The following CYP7A1 variants were observed in gnomAD, a reference collection of about 807,000 sequenced individuals.
CYP7A1 encodes cytochrome P450 family 7 subfamily A member 1.
In CYP7A1, 28 loss-of-function variants were observed where a neutral mutation model predicts 43.8. The ratio of observed to expected loss-of-function variants is 0.64; its 90% confidence interval spans 0.47 to 0.88. The LOEUF (loss-of-function observed/expected upper bound fraction) is 0.88, where lower values mean the gene tolerates loss of function less well. Ranked by LOEUF, CYP7A1 falls within the 40% of genes least tolerant of loss-of-function variation. The pLI is 0.00. For missense variants in CYP7A1, 637 were observed against 611.9 expected (o/e 1.04, Z -0.43); for synonymous variants, 227 against 222.5 (o/e 1.02, Z -0.18).
rs8192878 is a variant in CYP7A1, at chr8:58,491,787, T to C, written c.1216-13A>G. 30,817 of 1,609,300 alleles carry C rather than the reference T, an allele frequency of 0.019. 639 individuals carry two copies. The highest frequency in any genetic ancestry group is 0.088 in the East Asian group (3,930 of 44,854). On this transcript the variant is annotated splice_polypyrimidine_tract_variant and intron_variant, in intron 5 of 5. Coordinates refer to ENST00000301645, the MANE Select transcript of CYP7A1 (RefSeq NM_000780.4). ...CATATTTAAAAGTCTGCAATAAAAA[T>C]ACAAAGAAAACCGCCTTTAAGCTAG...
chr8:58,496,262 A>T (rs112597553), intron 3 of CYP7A1, among the ~76,000 whole-genome samples: 17 of 152,232 alleles, frequency 1.1e-4, no homozygotes, highest in African/African-American at 4.1e-4. Context: ...TATGGAGTGG[A>T]GTTGGCGTCG....
At position 58,497,937 on chromosome 8, in the gene CYP7A1, T is replaced by A. The variant is rs540483252; in HGVS notation, c.321+292A>T. Among the ~76,000 whole-genome samples, 8 of 152,354 alleles carry A rather than the reference T, an allele frequency of 5.3e-5. No homozygotes were observed. In the East Asian group the frequency reaches 1.5e-3, roughly 29 times the overall value. ...GCATAGACATTGCTGATGTGATGAA[T>A]TTTTATCTATCTTATTCGTACAGTG... is the stretch of plus-strand genomic sequence containing the variant. On this transcript the variant is annotated intron_variant, in intron 2 of 5. Coordinates refer to ENST00000301645, the MANE Select transcript of CYP7A1 (RefSeq NM_000780.4).
chr8:58,491,845 A>G, intron 5 of CYP7A1, 71 bp from the exon 6 acceptor site: 1 of 1,291,442 alleles, frequency 7.7e-7, no homozygotes, highest in Non-Finnish European at 1.1e-6. Context: ...CTAAACCTGG[A>G]AGCTCCAAAG....
Position 58,491,689 on chromosome 8 carries a change from T to A in CYP7A1, c.1301A>T (p.Tyr434Phe), listed in dbSNP as rs777464708. 8 of 1,613,702 alleles carry A rather than the reference T, an allele frequency of 5.0e-6. No individual in the cohort carries two copies. The highest frequency in any genetic ancestry group is 6.8e-6 in the Non-Finnish European group (8 of 1,179,656). The change falls in exon 6 of 6, where the codon TAC becomes TTC. Residue 434 changes from tyrosine to phenylalanine, a missense_variant. By Grantham distance (22) the Tyr-to-Phe change is conservative (BLOSUM62 3). Transcript: ENST00000301645. ...YCNGLKLKYY[Y>F]MPFGSGATIC... ...TGTAGCTCCCGATCCAAAGGGCATG[T>A]AGTAATACTTTAACTTGAGTCCATT...
rs112725882 is a variant in CYP7A1, at chr8:58,494,675, T to C, written c.909-39A>G. The stretch of plus-strand genomic sequence containing the variant: ...AGAGAAAACATGTATGTACAGAAAA[T>C]AAACTTTTTCCATACTTTGAGATCT... On this transcript the variant is annotated intron_variant, in intron 3 of 5. Transcript: ENST00000301645. The C allele has an allele frequency of 1.6e-5, 26 of 1,607,082 alleles. 1 individual carries two copies. Among genetic ancestry groups the C allele is most frequent in the African/African-American group, 1.5e-4 (11 of 74,872 alleles).
rs1325806464 is a variant in CYP7A1, at chr8:58,496,927, C to T, written c.585G>A (p.Arg195=). The change falls in exon 3 of 6, where the codon CGG becomes CGA. Residue 195 remains arginine, a synonymous_variant. Transcript: ENST00000301645. ...TTAGAATATGTGCTTTCTGTGTGTC[C>T]CGCCTTGTAAGATCTCTGCCAAAGA... ...LTIFGRDLTR[R]DTQKAHILNN... is the part of the protein sequence containing the mutation. 4 of 1,614,044 alleles carry T rather than the reference C, an allele frequency of 2.5e-6. No individual in the cohort carries two copies. The highest frequency in any genetic ancestry group is 1.7e-5 in the Admixed American group (1 of 59,996).
chr8:58,496,726 A>G lies in CYP7A1; in HGVS notation c.786T>C (p.Phe262=). The change falls in exon 3 of 6, where the codon TTT becomes TTC. Residue 262 remains phenylalanine (F), a synonymous_variant. Transcript: ENST00000301645. The part of the protein sequence containing the change: ...SISELISLRM[F]LNDTLSTFDD... Reference sequence around the variant, plus strand: ...CAAAGGTGGACAAAGTGTCATTGAGAAACATGCGCAGGCTGATCAGTTCTG... The same window carrying G: ...CAAAGGTGGACAAAGTGTCATTGAGGAACATGCGCAGGCTGATCAGTTCTG... 6.2e-7 allele frequency: 1 copy of G among 1,614,200 alleles called. No individual in the cohort carries two copies. Among genetic ancestry groups the G allele is most frequent in the Non-Finnish European group, 8.5e-7 (1 of 1,180,030 alleles).
intron 3 of CYP7A1, among the ~76,000 whole-genome samples, chr8:58,496,167 ATAAG>A (rs1809439370): frequency 6.6e-6 from 1 of 152,392 alleles, no homozygotes; most frequent in Non-Finnish European, 1.5e-5. Flanking sequence ...GAATGAACAA[ATAAG>A]TAAGGCATAG....
intron 2 of CYP7A1, among the ~76,000 whole-genome samples, 165 bp from the exon 3 acceptor site, chr8:58,497,355 T>C (rs1307142631): frequency 6.6e-6 from 1 of 152,230 alleles, no homozygotes; most frequent in Admixed American, 6.5e-5. Context: ...ATGACCAAAC[T>C]GTACCTTTCC....
rs1809444569 is a variant in CYP7A1 at position 58,496,560 on chromosome 8, T to C, written c.908+44A>G. On this transcript the variant is annotated intron_variant, in intron 3 of 5. Coordinates refer to ENST00000301645, the MANE Select transcript of CYP7A1 (RefSeq NM_000780.4). ...AAAGTTAAAGTGGTTTAATTTCTAC[T>C]TTCTACTAAAATAAAAAAAAGAAAT... The C allele has an allele frequency of 2.0e-6, 3 of 1,512,094 alleles. No homozygotes were observed. The Admixed American group carries it at 5.1e-5, about 26-fold the overall frequency. The allele number at this position is 1,512,094 out of a possible 1,614,324, so 93.7% of individuals were successfully genotyped here. A position where few individuals can be genotyped will look rare whatever the true frequency, so the allele number is the denominator to read the frequency against.
chr8:58,491,411 G>A lies in CYP7A1; in HGVS notation c.*64C>T. Reference sequence around the variant, plus strand: ...CTAAATGCATTTGTCCAAAGGGACTGTGTGGTGAGGGTGTTCTGCAGTCCT... The same window carrying A: ...CTAAATGCATTTGTCCAAAGGGACTATGTGGTGAGGGTGTTCTGCAGTCCT... On this transcript the variant is annotated 3_prime_UTR_variant, in exon 6 of 6. Transcript: ENST00000301645. 2 of 1,427,702 alleles carry A rather than the reference G, an allele frequency of 1.4e-6. No individual in the cohort carries two copies. Among genetic ancestry groups the A allele is most frequent in the Middle Eastern group, 3.8e-4 (2 of 5,214 alleles). 88.4% of individuals were successfully genotyped at this position (1,427,702 alleles called of 1,614,324 possible).
chr8:58,492,907 G>A (rs1809374846), intron 4 of CYP7A1, among the ~76,000 whole-genome samples: 1 of 152,080 alleles, frequency 6.6e-6, no homozygotes, highest in Non-Finnish European at 1.5e-5. Flanking sequence ...TGCGACTATA[G>A]GCATGTGCCA....
chr8:58,495,109 T>C (rs1050249732), intron 3 of CYP7A1, among the ~76,000 whole-genome samples: 1 of 150,966 alleles, frequency 6.6e-6, no homozygotes, highest in African/African-American at 2.4e-5. Context: ...ATTCCAGCCT[T>C]GGTGACAGAG....
rs1809346687 is a variant in CYP7A1, at chr8:58,491,274, C to A, written c.*201G>T. On this transcript the variant is annotated 3_prime_UTR_variant, in exon 6 of 6. Transcript: ENST00000301645. ...ATTATTGTGCTCCTAGAAACTAGTT[C>A]TTTTCACTAGCAGAGTCTGTGATAG... 10 of 589,672 alleles carry A rather than the reference C, an allele frequency of 1.7e-5. No homozygotes were observed. The highest frequency in any genetic ancestry group is 4.4e-4 in the Middle Eastern group (1 of 2,266). 36.5% of individuals were successfully genotyped at this position (589,672 alleles called of 1,614,324 possible).
chr8:58,494,639 A>G lies in CYP7A1; in HGVS notation c.909-3T>C. 1.2e-6 allele frequency: 2 copies of G among 1,613,686 alleles called. No individual in the cohort carries two copies. Among genetic ancestry groups the G allele is most frequent in the Non-Finnish European group, 1.7e-6 (2 of 1,179,862 alleles). On this transcript the variant is annotated splice_polypyrimidine_tract_variant and splice_region_variant and intron_variant, in intron 3 of 5. Transcript: ENST00000301645. ...CTGCTTTCATTGCTTCTGGGTTCCT[A>G]TTAAAAGGTAAGAGAAAACATGTAT... is the stretch of plus-strand genomic sequence containing the variant.
intron 3 of CYP7A1, among the ~76,000 whole-genome samples, chr8:58,496,262 A>G (rs112597553): frequency 6.5e-4 from 99 of 152,350 alleles, no homozygotes; most frequent in African/African-American, 2.3e-3. Context: ...TATGGAGTGG[A>G]GTTGGCGTCG....
chr8:58,497,087 G>C lies in CYP7A1; in HGVS notation c.425C>G (p.Thr142Arg). Residue 142 changes from threonine (T) to arginine (R), a missense_variant, in exon 3 of 6, where the codon ACG becomes AGG. Coordinates refer to ENST00000301645, the MANE Select transcript of CYP7A1 (RefSeq NM_000780.4). The stretch of plus-strand genomic sequence containing the variant: ...TTGGAGGTTTTCCATCATGCTTTCC[G>C]TGAGGGAATTCAAGGCATGGCCCTG... ...TLQGHALNSL[T>R]ESMMENLQRI... 6.2e-7 allele frequency: 1 copy of C among 1,601,548 alleles called. No individual in the cohort carries two copies.
Position 58,496,679 on chromosome 8 carries a change from GTCTTGGCCTTC to G in CYP7A1, c.822_832del (p.Glu274AspfsTer26). 3 of 1,614,252 alleles carry G rather than the reference GTCTTGGCCTTC, an allele frequency of 1.9e-6. No individual in the cohort carries two copies. The highest frequency in any genetic ancestry group is 2.5e-6 in the Non-Finnish European group (3 of 1,180,042). On this transcript the variant is annotated frameshift_variant, in exon 3 of 6. Coordinates refer to ENST00000301645, the MANE Select transcript of CYP7A1 (RefSeq NM_000780.4). LOFTEE classifies it high-confidence loss of function. ...CGATGCCCAGAGGACCACGAGGTGT[GTCTTGGCCTTC>G]TCCAGATCATCAAAGGTGGACAAAG...
chr8:58,495,535 G>A (rs1376764020), intron 3 of CYP7A1, among the ~76,000 whole-genome samples: 1 of 152,106 alleles, frequency 6.6e-6, no homozygotes, highest in Non-Finnish European at 1.5e-5. Flanking sequence ...GCCTGGTCAG[G>A]GCTTTTATAA....
Sources: gnomAD v4.1 joint callset for allele counts (sites outside exome capture counted in the v4.1 genomes callset) on GRCh38, gnomAD v4.1.1 for gene constraint, MANE v1.5 for transcripts, NCBI Gene and HGNC (gene_info 2026-07-23, HGNC 2026-07-21) for gene names.